VPS50: variants seen among roughly 807,000 people sequenced by gnomAD.
VPS50 encodes the protein VPS50 subunit of EARP/GARPII complex, also known as syndetin.
VPS50 carries 70 observed loss-of-function variants against 139.7 expected under a neutral mutation model. The observed-to-expected ratio is 0.50, with a 90% CI of 0.41 to 0.61. The LOEUF (loss-of-function observed/expected upper bound fraction) is 0.61, where lower values mean the gene tolerates loss of function less well. Among genes scored for constraint, VPS50 ranks in the 20% least tolerant of loss-of-function variants. The probability of loss-of-function intolerance (pLI) is 0.00; values close to 1 mark genes in which losing one functional copy is unlikely to be tolerated. For missense variants in VPS50, 921 were observed against 1,133.7 expected, an observed-to-expected ratio of 0.81 and a Z score of 2.69; for synonymous variants, 365 against 376.7, an observed-to-expected ratio of 0.97 and a Z score of 0.36.
intron 9 of VPS50, among the ~76,000 whole-genome samples, chr7:93,265,378 A>T (rs1198458091): frequency 6.6e-6 from 1 of 152,206 alleles, no homozygotes; most frequent in Non-Finnish European, 1.5e-5. Flanking sequence ...GTAGCTGTAG[A>T]CAAAAAGTAA....
At chr7:93,342,390 G>A (rs897012701) in intron 23 of VPS50, among the ~76,000 whole-genome samples, 17 of 152,224 alleles carry the variant, frequency 1.1e-4, no homozygotes, top group African/African-American at 2.4e-4. Flanking sequence ...AGGCGGCAGT[G>A]ACGCTGGGGG....
chr7:93,311,655 G>T (rs1797271891), intron 20 of VPS50, among the ~76,000 whole-genome samples: 1 of 152,130 alleles, frequency 6.6e-6, no homozygotes, highest in African/African-American at 2.4e-5. Context: ...CTTCTGTCAG[G>T]CAGAGTGAAT....
At chr7:93,265,466 C>T (rs907651749) in intron 9 of VPS50, among the ~76,000 whole-genome samples, 3 of 152,128 alleles carry the variant, frequency 2.0e-5, no homozygotes, top group Admixed American at 1.3e-4. Flanking sequence ...CTGTGGGTTC[C>T]GATCTGTGAT....
intron 12 of VPS50, among the ~76,000 whole-genome samples, chr7:93,278,667 A>G (rs937119279): frequency 2.6e-4 from 39 of 151,748 alleles, no homozygotes; most frequent in African/African-American, 8.4e-4. Context: ...TTATAAGATA[A>G]TAAATAGCTT....
At chr7:93,282,240 G>A (rs73415378) in intron 12 of VPS50, among the ~76,000 whole-genome samples, 6,518 of 151,702 alleles carry the variant, frequency 0.043, 340 homozygotes, top group African/African-American at 0.12. Flanking sequence ...TTCTATTTCA[G>A]TAAATATGCT....
chr7:93,350,716 G>C (rs535096997), intron 25 of VPS50, among the ~76,000 whole-genome samples: 33 of 152,222 alleles, frequency 2.2e-4, no homozygotes, highest in African/African-American at 7.9e-4. Context: ...TCTGAAGAGA[G>C]ATAGAGAATG....
At chr7:93,330,244 G>C (rs1797895825) in intron 21 of VPS50, among the ~76,000 whole-genome samples, 1 of 151,940 alleles carries the variant, frequency 6.6e-6, no homozygotes, top group Non-Finnish European at 1.5e-5. Flanking sequence ...TTAACTTTTA[G>C]CCAACAGGAA....
At chr7:93,354,358 A>G (rs919467422) in intron 26 of VPS50, among the ~76,000 whole-genome samples, 2 of 150,674 alleles carry the variant, frequency 1.3e-5, no homozygotes, top group Middle Eastern at 3.2e-3. Flanking sequence ...CAGTGGTGCA[A>G]TCTGGGCTCA....
chr7:93,246,370 A>G (rs1036396413), intron 2 of VPS50, among the ~76,000 whole-genome samples: 1 of 151,898 alleles, frequency 6.6e-6, no homozygotes, highest in African/African-American at 2.4e-5. Flanking sequence ...TTATATAATC[A>G]GGTGTATAAT....
intron 10 of VPS50, among the ~76,000 whole-genome samples, chr7:93,271,728 A>T (rs2188510): frequency 6.6e-6 from 1 of 151,408 alleles, no homozygotes; most frequent in African/African-American, 2.4e-5. Context: ...ATATGTAATT[A>T]TGAGCATGAA....
At position 93,277,917 on chromosome 7, in the gene VPS50, AT is replaced by A. The variant is rs1250859934; in HGVS notation, c.942+1619del. On this transcript the variant is annotated intron_variant, in intron 12 of 27. Transcript: ENST00000305866. The stretch of plus-strand genomic sequence containing the variant: ...TTTTTTATTCTAATAAGTTTTATTA[AT>A]TTTTTTATTGTAATGTTGCTATCAC... Among the ~76,000 whole-genome samples, 6 of 152,082 alleles carry A rather than the reference AT, an allele frequency of 3.9e-5. No individual in the cohort carries two copies. The East Asian group carries it at 7.7e-4, about 20-fold the overall frequency.
At chr7:93,279,775 C>A (rs772757117) in intron 12 of VPS50, among the ~76,000 whole-genome samples, 1 of 152,200 alleles carries the variant, frequency 6.6e-6, no homozygotes, top group South Asian at 2.1e-4. Context: ...TTTAGTCATA[C>A]ATAGAGCTTA....
At chr7:93,353,250 C>A (rs569232110) in intron 25 of VPS50, among the ~76,000 whole-genome samples, 1 of 152,120 alleles carries the variant, frequency 6.6e-6, no homozygotes, top group Non-Finnish European at 1.5e-5. Flanking sequence ...CTGAACTGAA[C>A]GCATGTCAAA....
At position 93,271,247 on chromosome 7, in the gene VPS50, T is replaced by G. The variant is rs1277008581; in HGVS notation, c.687T>G (p.Thr229=). ...AACTGAATTCAAAGCTGCAAGATAC[T>G]TTGGAACAGATTGAGGTAAGAAGTA... ...ISELNSKLQD[T]LEQIEEQLDV... is the part of the protein sequence containing the mutation. Residue 229 remains threonine (T), a synonymous_variant, in exon 10 of 28, where the codon ACT becomes ACG. Coordinates refer to ENST00000305866, the MANE Select transcript of VPS50 (RefSeq NM_017667.4). 1.9e-6 allele frequency: 3 copies of G among 1,562,340 alleles called. No individual in the cohort carries two copies. The highest frequency in any genetic ancestry group is 2.6e-6 in the Non-Finnish European group (3 of 1,161,534).
intron 9 of VPS50, among the ~76,000 whole-genome samples, chr7:93,260,972 A>G (rs1290325253): frequency 1.3e-5 from 2 of 152,206 alleles, no homozygotes; most frequent in Non-Finnish European, 2.9e-5. Context: ...TAGGATATAA[A>G]TTGAGTAGTA....
rs1584396119 is a variant in VPS50, at chr7:93,258,205, C to G, written c.469C>G (p.Leu157Val). The G allele has an allele frequency of 6.3e-7, 1 of 1,599,270 alleles. No homozygotes were observed. Among genetic ancestry groups the G allele is most frequent in the Non-Finnish European group, 8.6e-7 (1 of 1,166,840 alleles). ...AGGTTTTACTCAAGCTAGTTTAGGC[C>G]TTCTTGCAAATCAAAGGAAACGTCA... ...KEGFTQASLG[L>V]LANQRKRQLL... Residue 157 changes from leucine (L) to valine (V), a missense_variant, in exon 7 of 28, where the codon CTT becomes GTT. By Grantham distance (32) the Leu-to-Val change is conservative. Coordinates refer to ENST00000305866, the MANE Select transcript of VPS50 (RefSeq NM_017667.4).
chr7:93,250,923 A>G (rs773654296), intron 2 of VPS50, among the ~76,000 whole-genome samples: 1 of 152,204 alleles, frequency 6.6e-6, no homozygotes, highest in Non-Finnish European at 1.5e-5. Context: ...CAAACATATG[A>G]AAAAAAGCTC....
chr7:93,358,501 T>A lies in VPS50; in HGVS notation c.*65T>A. The A allele has an allele frequency of 1.5e-6, 2 of 1,373,220 alleles. No individual in the cohort carries two copies. Among genetic ancestry groups the A allele is most frequent in the Non-Finnish European group, 2.0e-6 (2 of 985,414 alleles). The allele number at this position is 1,373,220 out of a possible 1,614,324, so 85.1% of individuals were successfully genotyped here. On this transcript the variant is annotated 3_prime_UTR_variant, in exon 28 of 28. Coordinates refer to ENST00000305866, the MANE Select transcript of VPS50 (RefSeq NM_017667.4). ...TCAACATATATGACCTGAAAGCCAGTTTTTTTATGCACTTCTGACAACTAT... is the reference window on the plus strand; with the variant it reads ...TCAACATATATGACCTGAAAGCCAGATTTTTTATGCACTTCTGACAACTAT...
chr7:93,282,503 G>A (rs919009627), intron 12 of VPS50, among the ~76,000 whole-genome samples: 1 of 152,102 alleles, frequency 6.6e-6, no homozygotes, highest in South Asian at 2.1e-4. Context: ...TTCCTAAATT[G>A]CCCTATAAAA....
Sources: allele counts gnomAD v4.1 joint callset (sites outside exome capture counted in the v4.1 genomes callset), GRCh38; gene constraint gnomAD v4.1.1; transcripts MANE v1.5; gene names NCBI Gene and HGNC (gene_info 2026-07-23, HGNC 2026-07-21).